The following NXPH1 variants were observed in gnomAD, a reference collection of about 807,000 sequenced individuals.
NXPH1 encodes neurexophilin 1.
In NXPH1, 5 loss-of-function variants were observed where a neutral mutation model predicts 23.7. That is an observed-to-expected ratio of 0.21 (90% CI 0.11 to 0.44). NXPH1 has a LOEUF of 0.44. Ranked by LOEUF, NXPH1 falls within the 20% of genes least tolerant of loss-of-function variation. The pLI, the probability that NXPH1 is intolerant of heterozygous loss-of-function variation, is 0.99. For synonymous variants in NXPH1, 144 were observed against 122.2 expected (o/e 1.18, Z -1.18); for missense variants, 324 against 321.6 (o/e 1.01, Z -0.06).
At chr7:8,665,847 G>A (rs1307422548) in intron 2 of NXPH1, among the ~76,000 whole-genome samples, 1 of 146,792 alleles carries the variant, frequency 6.8e-6, no homozygotes, top group South Asian at 2.1e-4. Context: ...ACTGATAATC[G>A]TATATTGATT....
intron 2 of NXPH1, among the ~76,000 whole-genome samples, chr7:8,692,244 G>A (rs1010703316): frequency 2.0e-5 from 3 of 152,048 alleles, no homozygotes; most frequent in African/African-American, 7.2e-5. Context: ...ATGATTTGAT[G>A]AACATATTTA....
At chr7:8,737,278 C>G (rs1018864963) in intron 2 of NXPH1, among the ~76,000 whole-genome samples, 2 of 151,982 alleles carry the variant, frequency 1.3e-5, no homozygotes, top group African/African-American at 4.8e-5. Flanking sequence ...CTGGTTTTTC[C>G]TTTGTATATT....
chr7:8,434,838 G>A lies in NXPH1; in HGVS notation c.-111+83G>A, dbSNP rs1816160521. ...GCACGAGGAAGGGACGGCAGGGAGG[G>A]GCGCTGGTTAGGAAAGAGAACAAGC... is the stretch of plus-strand genomic sequence containing the variant. On this transcript the variant is annotated intron_variant, in intron 1 of 2. Transcript: ENST00000405863. This position sits in a 1 kb window ranked among gnomAD's most constrained non-coding sequence, Gnocchi z 7.6. 6.5e-6 allele frequency: 1 copy of A among 152,682 alleles called. No individual in the cohort carries two copies. The highest frequency in any genetic ancestry group is 1.5e-5 in the Non-Finnish European group (1 of 68,252). The allele number at this position is 152,682 out of a possible 1,614,324, so 9.5% of individuals were successfully genotyped here. A position where few individuals can be genotyped will look rare whatever the true frequency, so the allele number is the denominator to read the frequency against.
intron 2 of NXPH1, among the ~76,000 whole-genome samples, chr7:8,709,775 G>C (rs953237056): frequency 6.6e-6 from 1 of 152,052 alleles, no homozygotes; most frequent in Non-Finnish European, 1.5e-5. Flanking sequence ...TAAAACCAAA[G>C]TACAATGATT....
intron 2 of NXPH1, among the ~76,000 whole-genome samples, chr7:8,516,072 CTAT>C (rs1817682199): frequency 6.6e-6 from 1 of 152,120 alleles, no homozygotes; most frequent in Admixed American, 6.6e-5. Context: ...ACACCATAGG[CTAT>C]TATTCAAATC....
intron 2 of NXPH1, among the ~76,000 whole-genome samples, chr7:8,506,177 T>A (rs1817518884): frequency 6.6e-6 from 1 of 152,126 alleles, no homozygotes. Context: ...ATTCAATATT[T>A]CTAATACATT....
intron 2 of NXPH1, among the ~76,000 whole-genome samples, chr7:8,687,659 T>C (rs1483840879): frequency 1.3e-5 from 2 of 152,172 alleles, no homozygotes; most frequent in African/African-American, 4.8e-5. Flanking sequence ...ACACTGATCA[T>C]AATTTTCTCA....
At chr7:8,545,474 G>C (rs955934180) in intron 2 of NXPH1, among the ~76,000 whole-genome samples, 5 of 151,566 alleles carry the variant, frequency 3.3e-5, no homozygotes, top group Middle Eastern at 3.4e-3. Context: ...CTGTCCTCTT[G>C]TAGAGTTAAA....
intron 2 of NXPH1, among the ~76,000 whole-genome samples, chr7:8,637,687 C>A (rs1820241519): frequency 6.6e-6 from 1 of 152,132 alleles, no homozygotes; most frequent in African/African-American, 2.4e-5. Context: ...AGGCTTTGAG[C>A]TACTTTGGCC....
At chr7:8,587,050 C>G (rs73235780) in intron 2 of NXPH1, among the ~76,000 whole-genome samples, 54 of 152,018 alleles carry the variant, frequency 3.6e-4, no homozygotes, top group African/African-American at 1.0e-3. Context: ...ATTATATTCT[C>G]TATTATTTTC....
chr7:8,577,973 C>A (rs559996949), intron 2 of NXPH1, among the ~76,000 whole-genome samples: 1 of 152,282 alleles, frequency 6.6e-6, no homozygotes, highest in Admixed American at 6.5e-5. Context: ...ACTGCAGTCC[C>A]AGCGGACCTC....
chr7:8,576,351 C>A (rs556454659), intron 2 of NXPH1, among the ~76,000 whole-genome samples: 1 of 152,278 alleles, frequency 6.6e-6, no homozygotes, highest in East Asian at 1.9e-4. Flanking sequence ...TCAATGCTAT[C>A]TGACTTGTTC....
In NXPH1 at chr7:8,488,755, T is replaced by G. The variant is rs80010160; in HGVS notation, c.54+52988T>G. On this transcript the variant is annotated intron_variant, in intron 2 of 2. Coordinates refer to ENST00000405863, the MANE Select transcript of NXPH1 (RefSeq NM_152745.3). ...TTCTACATCTGTAAAATGGGCACAA[T>G]GGTAGGACTCATGTCAAAGCTTCTG... Among the ~76,000 whole-genome samples the G allele has an allele frequency of 8.4e-3, 1,284 of 152,246 alleles. 12 individuals are homozygous for G. Among genetic ancestry groups the G allele is most frequent in the Non-Finnish European group, 0.012 (807 of 67,988 alleles).
intron 2 of NXPH1, among the ~76,000 whole-genome samples, chr7:8,441,326 T>A (rs1040015016): frequency 6.6e-6 from 1 of 152,138 alleles, no homozygotes; most frequent in Admixed American, 6.6e-5. Context: ...TCTTGATTTA[T>A]CCACTAGTCA....
intron 2 of NXPH1, among the ~76,000 whole-genome samples, chr7:8,655,853 T>A (rs1451511345): frequency 1.3e-5 from 2 of 152,194 alleles, no homozygotes; most frequent in African/African-American, 4.8e-5. Context: ...ATATATCAAC[T>A]CCTCTGAAAA....
chr7:8,534,780 T>A (rs1818002754), intron 2 of NXPH1, among the ~76,000 whole-genome samples: 1 of 152,096 alleles, frequency 6.6e-6, no homozygotes, highest in Non-Finnish European at 1.5e-5. Flanking sequence ...CACCCCTGAT[T>A]GATGAGGAAA....
chr7:8,658,258 T>C (rs1483651638), intron 2 of NXPH1, among the ~76,000 whole-genome samples: 1 of 152,242 alleles, frequency 6.6e-6, no homozygotes, highest in Admixed American at 6.5e-5. Flanking sequence ...GCCTAAATTG[T>C]AAGTTCCTAC....
chr7:8,695,974 A>T (rs1779494043), intron 2 of NXPH1, among the ~76,000 whole-genome samples: 1 of 152,206 alleles, frequency 6.6e-6, no homozygotes, highest in Non-Finnish European at 1.5e-5. Flanking sequence ...CCATGTGTCC[A>T]GGGATTTGGA....
chr7:8,730,383 A>G (rs1478516933), intron 2 of NXPH1, among the ~76,000 whole-genome samples: 2 of 150,044 alleles, frequency 1.3e-5, no homozygotes, highest in African/African-American at 4.9e-5. Context: ...TCCTGTCATT[A>G]TGATGTTAGC....
Sources: gnomAD v4.1 joint callset for allele counts (sites outside exome capture counted in the v4.1 genomes callset) on GRCh38, gnomAD v4.1.1 for gene constraint, Gnocchi (gnomAD v3.1) non-coding constraint, MANE v1.5 for transcripts, NCBI Gene and HGNC (gene_info 2026-07-23, HGNC 2026-07-21) for gene names.